FKBP9: variants seen among roughly 807,000 people sequenced by gnomAD.
The protein encoded by FKBP9 is FKBP prolyl isomerase 9.
FKBP9 carries 27 observed loss-of-function variants against 55.6 expected under a neutral mutation model. That is an observed-to-expected ratio of 0.49 (90% CI 0.36 to 0.67). The LOEUF (loss-of-function observed/expected upper bound fraction) is 0.67, where lower values mean the gene tolerates loss of function less well. Among genes scored for constraint, FKBP9 ranks in the 30% least tolerant of loss-of-function variants. The pLI is 0.00. For synonymous variants in FKBP9, 267 were observed against 296.5 expected, an observed-to-expected ratio of 0.90 and a Z score of 1.02; for missense variants, 539 against 742.8, an observed-to-expected ratio of 0.73 and a Z score of 3.19.
At chr7:32,967,453 C>A (rs28445492) in intron 1 of FKBP9, among the ~76,000 whole-genome samples, 7,084 of 152,194 alleles carry the variant, frequency 0.047, 390 homozygotes, top group East Asian at 0.19. Context: ...ACTTTAGATA[C>A]CTCATATAAT....
chr7:32,980,539 C>A lies in FKBP9; in HGVS notation c.879C>A (p.Thr293=). 2 of 1,612,952 alleles carry A rather than the reference C, an allele frequency of 1.2e-6. No individual in the cohort carries two copies. The highest frequency in any genetic ancestry group is 2.2e-5 in the East Asian group (1 of 44,876). ...ACAATGGCACGCTTCTGGATGGCAC[C>A]CTCTTTGATTCCAGGTAAGGAAATG... ...YHYNGTLLDG[T]LFDSSYSRNR... The change falls in exon 5 of 10, where the codon ACC becomes ACA. Residue 293 remains threonine, a synonymous_variant. Transcript: ENST00000242209.
At chr7:32,959,680 C>G (rs539642627) in intron 1 of FKBP9, among the ~76,000 whole-genome samples, 2 of 152,312 alleles carry the variant, frequency 1.3e-5, no homozygotes, top group African/African-American at 2.4e-5. Context: ...GGATTTGCCT[C>G]TTCTGGACAT....
At chr7:33,001,403 C>T (rs970887129) in intron 8 of FKBP9, among the ~76,000 whole-genome samples, 7 of 151,940 alleles carry the variant, frequency 4.6e-5, no homozygotes, top group African/African-American at 1.7e-4. Flanking sequence ...GGCATGGTGG[C>T]GGGCACCTAT....
intron 6 of FKBP9, among the ~76,000 whole-genome samples, chr7:32,992,025 C>T (rs528462289): frequency 2.0e-5 from 3 of 152,240 alleles, no homozygotes; most frequent in East Asian, 3.9e-4. Context: ...TGTCCAAGGC[C>T]ACAATAGCTA....
intron 4 of FKBP9, 86 bp downstream of exon 4, chr7:32,976,585 A>T (rs1317493396): frequency 2.6e-6 from 4 of 1,513,840 alleles, no homozygotes; most frequent in African/African-American, 1.4e-5. Flanking sequence ...CATGAAACCC[A>T]CTAGACCTTT....
chr7:32,971,921 A>G (rs1486570724), intron 1 of FKBP9, among the ~76,000 whole-genome samples: 1 of 152,204 alleles, frequency 6.6e-6, no homozygotes, highest in Non-Finnish European at 1.5e-5. Context: ...TACTGTGCCC[A>G]ATAAATAATA....
intron 7 of FKBP9, chr7:32,998,485 A>G (rs1438179656): frequency 6.6e-6 from 1 of 152,220 alleles, no homozygotes; most frequent in Non-Finnish European, 1.5e-5. Flanking sequence ...CAGGAGCCAC[A>G]TGAGCCAGAG....
At chr7:32,984,244 T>C (rs1353552233) in intron 5 of FKBP9, among the ~76,000 whole-genome samples, 1 of 149,684 alleles carries the variant, frequency 6.7e-6, no homozygotes, top group Non-Finnish European at 1.5e-5. Flanking sequence ...ATATGTTCTT[T>C]TTTTTTTGAG....
intron 1 of FKBP9, among the ~76,000 whole-genome samples, chr7:32,964,932 T>C (rs1784103379): frequency 6.6e-6 from 1 of 151,374 alleles, no homozygotes; most frequent in African/African-American, 2.4e-5. Context: ...AGTGGGGAGG[T>C]GAGTTTCAGT....
At chr7:32,962,672 C>T (rs550346960) in intron 1 of FKBP9, among the ~76,000 whole-genome samples, 1 of 151,912 alleles carries the variant, frequency 6.6e-6, no homozygotes, top group African/African-American at 2.4e-5. Flanking sequence ...TGGGGTTTCG[C>T]CACCTTGGCC....
intron 1 of FKBP9, among the ~76,000 whole-genome samples, chr7:32,960,933 G>C (rs1341769499): frequency 6.6e-6 from 1 of 152,194 alleles, no homozygotes; most frequent in Non-Finnish European, 1.5e-5. Context: ...TCTCAAGACA[G>C]TGAGGTAGGT....
Position 32,996,179 on chromosome 7 carries a change from G to T in FKBP9, c.1056G>T (p.Ser352=). ...GTCCTTTAGGGAATATCCCCGGCTC[G>T]GCTGTGCTGGTGTTTGACATCCATG... ...GEEGRGNIPG[S]AVLVFDIHVI... Residue 352 remains serine, a synonymous_variant, in exon 7 of 10, where the codon TCG becomes TCT. Transcript: ENST00000242209. The T allele has an allele frequency of 5.6e-6, 9 of 1,614,056 alleles. No individual in the cohort carries two copies. Among genetic ancestry groups the T allele is most frequent in the Non-Finnish European group, 7.6e-6 (9 of 1,179,990 alleles).
chr7:32,989,669 C>T (rs12531063), intron 6 of FKBP9, among the ~76,000 whole-genome samples: 23,496 of 152,134 alleles, frequency 0.15, 2,226 homozygotes, highest in Admixed American at 0.31. Flanking sequence ...ATCTGCCCAC[C>T]TTGGCTTCCC....
chr7:32,986,065 G>T (rs868508476), intron 5 of FKBP9, among the ~76,000 whole-genome samples: 1 of 152,158 alleles, frequency 6.6e-6, no homozygotes, highest in Non-Finnish European at 1.5e-5. Flanking sequence ...TTCCATTGGG[G>T]AACAGGATGG....
chr7:33,003,607 T>C (rs1784973086), intron 9 of FKBP9, among the ~76,000 whole-genome samples: 2 of 152,240 alleles, frequency 1.3e-5, no homozygotes, highest in African/African-American at 4.8e-5. Context: ...GGGTGGCCAA[T>C]GTCTTCCGTA....
chr7:32,987,111 CA>C (rs1472456062), intron 5 of FKBP9, among the ~76,000 whole-genome samples: 1 of 152,014 alleles, frequency 6.6e-6, no homozygotes, highest in Non-Finnish European at 1.5e-5. Context: ...GCGGGGTGAG[CA>C]GGGGTGATAG....
intron 1 of FKBP9, among the ~76,000 whole-genome samples, chr7:32,968,740 T>G (rs1319270179): frequency 6.6e-6 from 1 of 150,664 alleles, no homozygotes; most frequent in East Asian, 2.0e-4. Flanking sequence ...GCCTGGCTAA[T>G]TTTTGTATTT....
intron 4 of FKBP9, among the ~76,000 whole-genome samples, chr7:32,978,136 T>C (rs573520518): frequency 1.3e-4 from 20 of 151,722 alleles, no homozygotes; most frequent in Admixed American, 9.9e-4. Flanking sequence ...TGGCCAGACT[T>C]GTCTCAAACT....
intron 8 of FKBP9, among the ~76,000 whole-genome samples, chr7:33,001,526 T>A (rs1784933488): frequency 8.7e-6 from 1 of 115,438 alleles, no homozygotes; most frequent in African/African-American, 4.0e-5. Flanking sequence ...AGGGCAAGAC[T>A]CCATCTCAGA....
Sources: gnomAD v4.1 joint callset for allele counts (sites outside exome capture counted in the v4.1 genomes callset) on GRCh38, gnomAD v4.1.1 for gene constraint, MANE v1.5 for transcripts, NCBI Gene and HGNC (gene_info 2026-07-23, HGNC 2026-07-21) for gene names.